AKR7A2: variants seen among roughly 807,000 people sequenced by gnomAD.
The protein encoded by AKR7A2 is aflatoxin B1 aldehyde reductase member 2.
In AKR7A2, 29 loss-of-function variants were observed where a neutral mutation model predicts 37.3. That is an observed-to-expected ratio of 0.78 (90% CI 0.58 to 1.06). The LOEUF is 1.06. Ranked by LOEUF, AKR7A2 falls within the 50% of genes least tolerant of loss-of-function variation. The pLI, the probability that AKR7A2 is intolerant of heterozygous loss-of-function variation, is 0.00. For missense variants in AKR7A2, 529 were observed against 497.9 expected (o/e 1.06, Z -0.59); for synonymous variants, 228 against 217.8 (o/e 1.05, Z -0.41).
chr1:19,307,052 C>T lies in AKR7A2; in HGVS notation c.738G>A (p.Gln246=). The part of the protein sequence containing the change: ...KYKYEDKDGK[Q]PVGRFFGNSW... ...TATTCCCAAAGAAGCGGCCCACAGG[C>T]TGTTTCCCGTCCTTGTCCTCATACT... is the stretch of plus-strand genomic sequence containing the variant. Residue 246 remains glutamine, a synonymous_variant, in exon 5 of 7, where the codon CAG becomes CAA. Transcript: ENST00000235835. 2 of 1,614,248 alleles carry T rather than the reference C, an allele frequency of 1.2e-6. No homozygotes were observed.
chr1:19,308,554 C>T lies in AKR7A2; in HGVS notation c.387G>A (p.Arg129=), dbSNP rs776011650. Residue 129 remains arginine, a synonymous_variant, in exon 2 of 7, where the codon AGG becomes AGA. Transcript: ENST00000235835. ...AGAGGTCCACTTGGGGACACTGCAG[C>T]CTCTTCAATGACGTCTCCAGCTGGG... The part of the protein sequence containing the change: ...VRSQLETSLK[R]LQCPQVDLFY... The T allele has an allele frequency of 6.2e-7, 1 of 1,614,178 alleles. No homozygotes were observed. Among genetic ancestry groups the T allele is most frequent in the South Asian group, 1.1e-5 (1 of 91,088 alleles).
At chr1:19,304,489 T>C (rs1363870269) in intron 6 of AKR7A2, 103 bp from the exon 7 acceptor site, 2 of 1,595,954 alleles carry the variant, frequency 1.3e-6, no homozygotes, top group African/African-American at 1.3e-5. Context: ...TCTCTGTTTA[T>C]ATTTATATCT....
chr1:19,308,969 T>C (rs1348652184), intron 1 of AKR7A2, among the ~76,000 whole-genome samples: 2 of 152,188 alleles, frequency 1.3e-5, no homozygotes, highest in South Asian at 2.1e-4. Context: ...TGGTACAATA[T>C]GGTAAGCACA....
chr1:19,310,730 G>A (rs1001607592), intron 1 of AKR7A2, among the ~76,000 whole-genome samples: 14 of 151,500 alleles, frequency 9.2e-5, no homozygotes, highest in Non-Finnish European at 2.1e-4. Context: ...AACAGCGTGG[G>A]CCTGAGATTC....
downstream of AKR7A2, among the ~76,000 whole-genome samples, chr1:19,303,690 T>C (rs554001425): frequency 6.6e-6 from 1 of 152,338 alleles, no homozygotes; most frequent in South Asian, 2.1e-4. Context: ...AGTTGTTTCA[T>C]TCCTAAGAAT....
intron 3 of AKR7A2, 70 bp downstream of exon 3, chr1:19,308,088 A>AT: frequency 6.3e-7 from 1 of 1,591,454 alleles, no homozygotes; most frequent in Non-Finnish European, 8.6e-7. Context: ...GGGGGCAGTC[A>AT]GGGGGGCAAA....
rs762878818 is a variant in AKR7A2, at chr1:19,311,979, C to G, written c.146G>C (p.Arg49Pro). 1 of 1,557,626 alleles carries G rather than the reference C, an allele frequency of 6.4e-7. No homozygotes were observed. Among genetic ancestry groups the G allele is most frequent in the South Asian group, 1.2e-5 (1 of 85,646 alleles). The change falls in exon 1 of 7, where the codon CGC becomes CCC. Residue 49 changes from arginine to proline, a missense_variant. Coordinates refer to ENST00000235835, the MANE Select transcript of AKR7A2 (RefSeq NM_003689.4). ...ASVLGTMEMGRRMDAPASAAA... is the reference protein window; with the variant it reads ...ASVLGTMEMGPRMDAPASAAA... ...GGCGCTGGCGGGCGCGTCCATGCGG[C>G]GCCCCATCTCCATGGTGCCCAGCAC...
intron 3 of AKR7A2, 64 bp downstream of exon 3, chr1:19,308,094 G>A (rs746458898): frequency 6.9e-6 from 11 of 1,603,768 alleles, no homozygotes; most frequent in Admixed American, 3.3e-5. Flanking sequence ...AGTCAGGGGG[G>A]CAAAGAGAGC....
At chr1:19,310,518 T>C (rs1038586366) in intron 1 of AKR7A2, among the ~76,000 whole-genome samples, 7 of 152,020 alleles carry the variant, frequency 4.6e-5, no homozygotes, top group African/African-American at 1.2e-4. Context: ...GCCAATATGG[T>C]GAAACCCCAT....
In AKR7A2 at chr1:19,307,330, G is replaced by C; in HGVS notation, c.672C>G (p.Ala224=). 4 of 1,613,520 alleles carry C rather than the reference G, an allele frequency of 2.5e-6. No individual in the cohort carries two copies. The highest frequency in any genetic ancestry group is 3.4e-6 in the Non-Finnish European group (4 of 1,179,986). Reference sequence around the variant, plus strand: ...TCCACGTACCAGCCAGAGGGTTGTAGGCATAGAACCTCAGTCCAAAGTGCC... The same window carrying C: ...TCCACGTACCAGCCAGAGGGTTGTACGCATAGAACCTCAGTCCAAAGTGCC... ...CLRHFGLRFY[A]YNPLAGGLLT... Residue 224 remains alanine (A), a synonymous_variant, in exon 4 of 7, where the codon GCC becomes GCG. Transcript: ENST00000235835.
rs760515109 is a variant in AKR7A2, at chr1:19,308,531, A to G, written c.410T>C (p.Leu137Pro). 174 of 1,614,060 alleles carry G rather than the reference A, an allele frequency of 1.1e-4. No homozygotes were observed. The highest frequency in any genetic ancestry group is 1.4e-4 in the Non-Finnish European group (170 of 1,180,024). The change falls in exon 2 of 7, where the codon CTC (leucine) becomes CCC (proline). Residue 137 changes from leucine to proline, a missense_variant. Coordinates refer to ENST00000235835, the MANE Select transcript of AKR7A2 (RefSeq NM_003689.4). Reference sequence around the variant, plus strand: ...GTGGTCAGGTGCGTGTAGGTAGAAGAGGTCCACTTGGGGACACTGCAGCCT... The same window carrying G: ...GTGGTCAGGTGCGTGTAGGTAGAAGGGGTCCACTTGGGGACACTGCAGCCT... ...LKRLQCPQVD[L>P]FYLHAPDHGT...
chr1:19,308,683 C>T, intron 1 of AKR7A2, 41 bp from the exon 2 acceptor site: 1 of 1,586,422 alleles, frequency 6.3e-7, no homozygotes, highest in South Asian at 1.1e-5. Flanking sequence ...CTATTAGAGC[C>T]ATTTGCTAAC....
At chr1:19,305,531 G>A (rs376878989) in intron 6 of AKR7A2, among the ~76,000 whole-genome samples, 1 of 152,176 alleles carries the variant, frequency 6.6e-6, no homozygotes. Flanking sequence ...GTAGAGATAG[G>A]GTCCCATTTT....
At chr1:19,304,918 A>G (rs1321295840) in intron 6 of AKR7A2, among the ~76,000 whole-genome samples, 2 of 152,168 alleles carry the variant, frequency 1.3e-5, no homozygotes, top group Non-Finnish European at 2.9e-5. Context: ...CCGCCTGGGT[A>G]ACAGAGTGAG....
At chr1:19,305,666 T>C (rs987045551) in intron 6 of AKR7A2, among the ~76,000 whole-genome samples, 2 of 152,188 alleles carry the variant, frequency 1.3e-5, no homozygotes, top group Non-Finnish European at 2.9e-5. Context: ...CAGGAAGACA[T>C]GAGGCATCAA....
At chr1:19,308,367 ACTGCCCTG>A in intron 2 of AKR7A2, 80 bp downstream of exon 2, 1 of 1,594,872 alleles carries the variant, frequency 6.3e-7, no homozygotes, top group Non-Finnish European at 8.6e-7. Context: ...CCACCCTGGG[ACTGCCCTG>A]GTGCCTCTGC....
At chr1:19,307,195 A>G (rs1002154399) in intron 4 of AKR7A2, 94 bp from the exon 5 acceptor site, 2 of 1,593,790 alleles carry the variant, frequency 1.3e-6, no homozygotes, top group African/African-American at 2.7e-5. Flanking sequence ...GCAGGGACCC[A>G]GGAGGGGCTG....
rs1035489536 is a variant in AKR7A2 at position 19,304,333 on chromosome 1, C to T, written c.972G>A (p.Glu324=). 3.7e-6 allele frequency: 6 copies of T among 1,614,064 alleles called. No homozygotes were observed. Among genetic ancestry groups the T allele is most frequent in the African/African-American group, 2.7e-5 (2 of 74,910 alleles). The part of the protein sequence containing the change: ...ILGMSSLEQL[E]QNLAATEEGP... ...CTTCCTCTGTTGCTGCCAAGTTCTGCTCCAGCTGCTCCAGGCTGGACATGC... is the reference window on the plus strand; with the variant it reads ...CTTCCTCTGTTGCTGCCAAGTTCTGTTCCAGCTGCTCCAGGCTGGACATGC... Residue 324 remains glutamate (E), a synonymous_variant, in exon 7 of 7, where the codon GAG becomes GAA. Transcript: ENST00000235835.
In AKR7A2 at chr1:19,308,446, C is replaced by G. The variant is rs74058542; in HGVS notation, c.486+9G>C. The G allele has an allele frequency of 0.016, 25,906 of 1,613,040 alleles. 2,425 individuals carry two copies. In the African/African-American group the frequency reaches 0.24, roughly 15 times the overall value. ...GAGCCCACCTTTGGAGCTCGGAGGG[C>G]CCCCTCACCTCCTGGTGCAGCCGCT... On this transcript the variant is annotated intron_variant, in intron 2 of 6. Coordinates refer to ENST00000235835, the MANE Select transcript of AKR7A2 (RefSeq NM_003689.4).
Sources: gnomAD v4.1 joint callset for allele counts (sites outside exome capture counted in the v4.1 genomes callset) on GRCh38, gnomAD v4.1.1 for gene constraint, MANE v1.5 for transcripts, NCBI Gene and HGNC (gene_info 2026-07-23, HGNC 2026-07-21) for gene names.